GSTA3: variants seen among roughly 807,000 people sequenced by gnomAD.
The protein encoded by GSTA3 is glutathione S-transferase A3.
A neutral mutation model predicts 23.1 loss-of-function variants in GSTA3; 16 were observed. The observed-to-expected ratio is 0.69, with a 90% confidence interval of 0.47 to 1.05. The LOEUF is 1.05. Ranked by LOEUF, GSTA3 falls within the 50% of genes least tolerant of loss-of-function variation. GSTA3 has a pLI of 0.00. For synonymous variants in GSTA3, 122 were observed against 91.0 expected (o/e 1.34, Z -1.94); for missense variants, 319 against 263.6 (o/e 1.21, Z -1.46).
At chr6:52,899,295 C>A (rs183581821) in intron 5 of GSTA3, among the ~76,000 whole-genome samples, 2 of 152,238 alleles carry the variant, frequency 1.3e-5, no homozygotes, top group East Asian at 3.9e-4. Context: ...ATTTAGAACT[C>A]CTATCTAACA....
At position 52,905,747 on chromosome 6, in the gene GSTA3, C is replaced by T. The variant is rs1318046331; in HGVS notation, c.87+1G>A. ...TTAAGATGACCTAACTTAGAACATACCTCCACTCCAGCTGCAGCCAAGAGC... is the reference window on the plus strand; with the variant it reads ...TTAAGATGACCTAACTTAGAACATATCTCCACTCCAGCTGCAGCCAAGAGC... On this transcript the variant is annotated splice_donor_variant, in intron 2 of 6. Transcript: ENST00000211122. LOFTEE classifies it high-confidence loss of function. 7.6e-6 allele frequency: 12 copies of T among 1,569,774 alleles called. No individual in the cohort carries two copies. The highest frequency in any genetic ancestry group is 1.1e-5 in the Non-Finnish European group (12 of 1,141,702).
At chr6:52,898,959 T>C (rs1482508602) in intron 5 of GSTA3, among the ~76,000 whole-genome samples, 1 of 151,956 alleles carries the variant, frequency 6.6e-6, no homozygotes, top group South Asian at 2.1e-4. Context: ...AATGACGGGG[T>C]GAGTGCTTTG....
At chr6:52,908,202 A>G (rs924310183) in intron 1 of GSTA3, among the ~76,000 whole-genome samples, 4 of 144,422 alleles carry the variant, frequency 2.8e-5, no homozygotes, top group Non-Finnish European at 6.1e-5. Flanking sequence ...TCACTGTTTT[A>G]GACTACAGTA....
chr6:52,904,605 C>T (rs562475312), intron 2 of GSTA3, among the ~76,000 whole-genome samples: 2 of 152,176 alleles, frequency 1.3e-5, no homozygotes, highest in African/African-American at 2.4e-5. Context: ...AGGACGCCAC[C>T]TCACCTGAAA....
At chr6:52,907,691 G>A (rs1214514675) in intron 1 of GSTA3, among the ~76,000 whole-genome samples, 1 of 151,944 alleles carries the variant, frequency 6.6e-6, no homozygotes, top group Admixed American at 6.6e-5. Context: ...GATGAAGCTG[G>A]AAACTATCAT....
intron 4 of GSTA3, among the ~76,000 whole-genome samples, chr6:52,900,658 C>G (rs1765651196): frequency 6.6e-6 from 1 of 152,166 alleles, no homozygotes; most frequent in Admixed American, 6.5e-5. Flanking sequence ...CATCGGTGAC[C>G]TGTCTACAGT....
intron 5 of GSTA3, among the ~76,000 whole-genome samples, chr6:52,898,316 A>G (rs1045329636): frequency 6.6e-6 from 1 of 151,960 alleles, no homozygotes. Flanking sequence ...TGGCTCTACA[A>G]TCTGCTCTCT....
chr6:52,907,253 C>T (rs954886378), intron 1 of GSTA3, among the ~76,000 whole-genome samples: 6 of 113,634 alleles, frequency 5.3e-5, no homozygotes, highest in African/African-American at 1.3e-4. Context: ...CAGAGAAATG[C>T]AAATCAAAAC....
At chr6:52,901,290 A>G (rs1035869568) in intron 4 of GSTA3, among the ~76,000 whole-genome samples, 1 of 152,176 alleles carries the variant, frequency 6.6e-6, no homozygotes, top group African/African-American at 2.4e-5. Context: ...CCCAAACCCC[A>G]AACCTTTTAG....
At chr6:52,900,596 A>G (rs1050667692) in intron 4 of GSTA3, among the ~76,000 whole-genome samples, 1 of 152,106 alleles carries the variant, frequency 6.6e-6, no homozygotes, top group African/African-American at 2.4e-5. Flanking sequence ...ATCGAGGTAG[A>G]TATATCTCTA....
Position 52,896,743 on chromosome 6 carries a change from C to T in GSTA3, c.*63G>A. On this transcript the variant is annotated 3_prime_UTR_variant, in exon 7 of 7. Transcript: ENST00000211122. ...GCACAATCAACACTTAAGTAAAGCA[C>T]TTCATTGTTGCAAAACTTTAGAATA... 6.3e-7 allele frequency: 1 copy of T among 1,596,110 alleles called. No individual in the cohort carries two copies. The highest frequency in any genetic ancestry group is 8.6e-7 in the Non-Finnish European group (1 of 1,167,074).
intron 1 of GSTA3, among the ~76,000 whole-genome samples, chr6:52,908,678 A>G (rs1173606392): frequency 6.6e-6 from 1 of 152,166 alleles, no homozygotes. Context: ...ATTTTTTTTT[A>G]ATTGGATAAG....
At chr6:52,906,607 A>G (rs1277224323) in intron 1 of GSTA3, among the ~76,000 whole-genome samples, 1 of 152,164 alleles carries the variant, frequency 6.6e-6, no homozygotes, top group Non-Finnish European at 1.5e-5. Flanking sequence ...ACTGGTACCA[A>G]AACAGAGATA....
chr6:52,899,855 T>C, intron 5 of GSTA3, 79 bp downstream of exon 5: 2 of 1,332,656 alleles, frequency 1.5e-6, no homozygotes, highest in South Asian at 2.4e-5. Context: ...TGAAGGTCAG[T>C]GCCCCAGGAA....
chr6:52,897,061 A>G, intron 6 of GSTA3, 133 bp from the exon 7 acceptor site: 1 of 1,244,592 alleles, frequency 8.0e-7, no homozygotes, highest in Non-Finnish European at 1.1e-6. Flanking sequence ...GGAGGCAGAA[A>G]CAGACACCCA....
At chr6:52,906,127 A>G (rs1396435664) in intron 1 of GSTA3, among the ~76,000 whole-genome samples, 1 of 152,180 alleles carries the variant, frequency 6.6e-6, no homozygotes, top group Non-Finnish European at 1.5e-5. Context: ...ACTGACTTGC[A>G]TTATGTTCCA....
intron 3 of GSTA3, 81 bp downstream of exon 3, chr6:52,903,594 CA>C (rs377246029): frequency 0.21 from 123,672 of 602,064 alleles, 40 homozygotes; most frequent in South Asian, 0.25. Context: ...GAGACTCCGT[CA>C]AAAAAAAAAA....
chr6:52,897,876 G>A lies in GSTA3; in HGVS notation c.495C>T (p.Tyr165=), dbSNP rs200502693. Residue 165 remains tyrosine (Y), a synonymous_variant, in exon 6 of 7, where the codon TAC becomes TAT. Transcript: ENST00000211122. ...RADISLVELL[Y]YVEELDSSLI... ...GGCTGGAGTCAAGCTCTTCCACATA[G>A]TAGAGAAGTTCCACCAGGCTAATGT... 95 of 1,613,830 alleles carry A rather than the reference G, an allele frequency of 5.9e-5. 1 individual carries two copies. In the East Asian group the frequency reaches 2.0e-3, roughly 33 times the overall value.
At chr6:52,897,228 C>T (rs1765478607) in intron 6 of GSTA3, among the ~76,000 whole-genome samples, 1 of 152,204 alleles carries the variant, frequency 6.6e-6, no homozygotes, top group Non-Finnish European at 1.5e-5. Flanking sequence ...AATAATGTGC[C>T]TGTGAGATAT....
Sources: gnomAD v4.1 joint callset for allele counts (sites outside exome capture counted in the v4.1 genomes callset) on GRCh38, gnomAD v4.1.1 for gene constraint, MANE v1.5 for transcripts, NCBI Gene and HGNC (gene_info 2026-07-23, HGNC 2026-07-21) for gene names.